The following LSM11 variants were observed in gnomAD, a reference collection of about 807,000 sequenced individuals.
The protein encoded by LSM11 is LSM11, U7 small nuclear RNA associated.
Under a neutral mutation model 28.1 loss-of-function variants are expected in LSM11, and 14 were observed. The observed-to-expected ratio is 0.50, with a 90% CI of 0.33 to 0.78. LSM11 has a LOEUF of 0.78. LSM11 is among the 30% of genes least tolerant of loss of function. The pLI is 0.02. For missense variants in LSM11, 495 were observed against 510.6 expected (o/e 0.97, Z 0.30); for synonymous variants, 207 against 214.2 (o/e 0.97, Z 0.30).
chr5:157,752,133 A>G (rs1419965957), intron 2 of LSM11, among the ~76,000 whole-genome samples: 1 of 151,902 alleles, frequency 6.6e-6, no homozygotes, highest in Non-Finnish European at 1.5e-5. Context: ...TGAAGCAGAC[A>G]TCAGTAAACA....
rs1002536589 is a variant in LSM11 at position 157,760,109 on chromosome 5, G to A, written c.*4845G>A. 3.3e-5 allele frequency: 5 copies of A among 152,152 alleles called. No individual in the cohort carries two copies. The highest frequency in any genetic ancestry group is 7.4e-5 in the Non-Finnish European group (5 of 68,020). The allele number at this position is 152,152 out of a possible 1,614,324, so 9.4% of individuals were successfully genotyped here. A position where few individuals can be genotyped will look rare whatever the true frequency, so the allele number is the denominator to read the frequency against. On this transcript the variant is annotated 3_prime_UTR_variant, in exon 4 of 4. Coordinates refer to ENST00000286307, the MANE Select transcript of LSM11 (RefSeq NM_173491.4). ...AGTGCTTCTTTAAAAACACTCCTTG[G>A]AAAGATGGGGACTGTCCCTTAGGAA...
chr5:157,754,962 T>G lies in LSM11; in HGVS notation c.781T>G (p.Leu261Val). 1.2e-6 allele frequency: 2 copies of G among 1,614,242 alleles called. No homozygotes were observed. Among genetic ancestry groups the G allele is most frequent in the Non-Finnish European group, 8.5e-7 (1 of 1,180,040 alleles). Residue 261 changes from leucine (L) to valine (V), a missense_variant, in exon 4 of 4, where the codon TTG becomes GTG. Coordinates refer to ENST00000286307, the MANE Select transcript of LSM11 (RefSeq NM_173491.4). ...SRYSQTSTWK[L>V]ASVWGRADTG... The stretch of plus-strand genomic sequence containing the variant: ...ATACTCACAGACATCCACTTGGAAG[T>G]TGGCTTCAGTGTGGGGAAGAGCAGA...
chr5:157,749,607 C>G lies in LSM11; in HGVS notation c.449-1783C>G, dbSNP rs1049656617. On this transcript the variant is annotated intron_variant, in intron 1 of 3. Transcript: ENST00000286307. ...ACGCGCGCACACACACACACACACA[C>G]CCACACACCCATACACACCCTTAGC... is the stretch of plus-strand genomic sequence containing the variant. Among the ~76,000 whole-genome samples, 479 of 149,996 alleles carry G rather than the reference C, an allele frequency of 3.2e-3. 1 individual carries two copies. The highest frequency in any genetic ancestry group is 0.012 in the African/African-American group (455 of 39,464).
rs1761342280 is a variant in LSM11 at position 157,757,262 on chromosome 5, T to C, written c.*1998T>C. 1 of 152,156 alleles carries C rather than the reference T, an allele frequency of 6.6e-6. No homozygotes were observed. The allele number at this position is 152,156 out of a possible 1,614,324, so 9.4% of individuals were successfully genotyped here. A position where few individuals can be genotyped will look rare whatever the true frequency, so the allele number is the denominator to read the frequency against. ...GCAGCAGTATCTTCTGGAACTTCCATATTCCATTCCTTCCTCCTAAGGGAC... is the reference window on the plus strand; with the variant it reads ...GCAGCAGTATCTTCTGGAACTTCCACATTCCATTCCTTCCTCCTAAGGGAC... On this transcript the variant is annotated 3_prime_UTR_variant, in exon 4 of 4. Coordinates refer to ENST00000286307, the MANE Select transcript of LSM11 (RefSeq NM_173491.4).
chr5:157,752,865 A>AG (rs1761260463), intron 2 of LSM11, among the ~76,000 whole-genome samples: 2 of 142,266 alleles, frequency 1.4e-5, no homozygotes, highest in African/African-American at 2.6e-5. Context: ...AAAAAAAAAA[A>AG]GAACCACCAG....
rs1205760835 is a variant in LSM11 at position 157,751,437 on chromosome 5, G to C, written c.496G>C (p.Gly166Arg). Residue 166 changes from glycine to arginine, a missense_variant, in exon 2 of 4, where the codon GGG (glycine) becomes CGG (arginine). Physicochemically the swap from Gly to Arg is moderately radical, Grantham distance 125. Coordinates refer to ENST00000286307, the MANE Select transcript of LSM11 (RefSeq NM_173491.4). ...LGELHRCIRE[G>R]VKVNVHIRTF... ...TGAACTCCATCGCTGTATCCGTGAG[G>C]GGGTGAAGGTGAATGTTCACATCCG... 2 of 1,612,040 alleles carry C rather than the reference G, an allele frequency of 1.2e-6. No individual in the cohort carries two copies. The highest frequency in any genetic ancestry group is 1.7e-6 in the Non-Finnish European group (2 of 1,179,300).
At chr5:157,744,302 A>G in intron 1 of LSM11, 104 bp downstream of exon 1, 1 of 878,112 alleles carries the variant, frequency 1.1e-6, no homozygotes, top group Non-Finnish European at 1.5e-6. Context: ...GTCTGCACGT[A>G]TTGCGGGAGC....
intron 2 of LSM11, among the ~76,000 whole-genome samples, chr5:157,751,790 T>C (rs1761235966): frequency 6.6e-6 from 1 of 152,192 alleles, no homozygotes; most frequent in African/African-American, 2.4e-5. Flanking sequence ...GGACATTTTA[T>C]TGTCACCACT....
rs904707218 is a variant in LSM11 at position 157,751,286 on chromosome 5, T to C, written c.449-104T>C. 2.5e-5 allele frequency: 33 copies of C among 1,298,932 alleles called. No individual in the cohort carries two copies. In the Admixed American group the frequency reaches 3.7e-4, roughly 15 times the overall value. The allele number at this position is 1,298,932 out of a possible 1,614,324, so 80.5% of individuals were successfully genotyped here. ...TGTTCCAATAGTGAGATTGTCACTC[T>C]ACCATGGGCCACATGTTGCTGGCCG... On this transcript the variant is annotated intron_variant, in intron 1 of 3. Coordinates refer to ENST00000286307, the MANE Select transcript of LSM11 (RefSeq NM_173491.4).
intron 1 of LSM11, among the ~76,000 whole-genome samples, chr5:157,750,145 G>T (rs1761208743): frequency 6.6e-6 from 1 of 152,322 alleles, no homozygotes. Context: ...CAGCTACTCA[G>T]TGGGTTGAGC....
Position 157,755,014 on chromosome 5 carries a change from C to T in LSM11, c.833C>T (p.Ser278Phe), listed in dbSNP as rs752294885. ...ACTGGCCGGGGCTCACACAAGCGTT[C>T]CCGCTCTGTCCCTTCTTCCCTGCAG... ...ADTGRGSHKR[S>F]RSVPSSLQAS... Residue 278 changes from serine (S) to phenylalanine (F), a missense_variant, in exon 4 of 4, where the codon TCC (serine) becomes TTC (phenylalanine). Transcript: ENST00000286307. 14 of 1,614,096 alleles carry T rather than the reference C, an allele frequency of 8.7e-6. No individual in the cohort carries two copies. Among genetic ancestry groups the T allele is most frequent in the Non-Finnish European group, 8.5e-7 (1 of 1,179,954 alleles).
At position 157,743,802 on chromosome 5, in the gene LSM11, C is replaced by T. The variant is rs1386067661; in HGVS notation, c.52C>T (p.Arg18Cys). 4.1e-5 allele frequency: 61 copies of T among 1,477,560 alleles called. No homozygotes were observed. Among genetic ancestry groups the T allele is most frequent in the Non-Finnish European group, 5.2e-5 (58 of 1,118,802 alleles). The allele number at this position is 1,477,560 out of a possible 1,614,324, so 91.5% of individuals were successfully genotyped here. The change falls in exon 1 of 4, where the codon CGC becomes TGC. Residue 18 changes from arginine to cysteine, a missense_variant. By Grantham distance (180) the Arg-to-Cys change is radical. Transcript: ENST00000286307. ...GTCGGCTGGCGCCGGGAGCCCCGCG[C>T]GCCCGCCCAGCCCGCGGCTGGATGT... ...ARSAGAGSPA[R>C]PPSPRLDVSS... is the part of the protein sequence containing the mutation.
intron 1 of LSM11, 51 bp from the exon 2 acceptor site, chr5:157,751,339 G>A: frequency 6.6e-7 from 1 of 1,506,200 alleles, no homozygotes; most frequent in Non-Finnish European, 8.8e-7. Context: ...CTTAATTCTG[G>A]GAATGAGGGC....
chr5:157,754,200 A>G, intron 3 of LSM11, 113 bp downstream of exon 3: 1 of 638,962 alleles, frequency 1.6e-6, no homozygotes, highest in Non-Finnish European at 2.5e-6. Context: ...TGTTGCTATA[A>G]ACCAGCTGTG....
Position 157,743,972 on chromosome 5 carries a change from C to T in LSM11, c.222C>T (p.Arg74=). The T allele has an allele frequency of 1.6e-6, 2 of 1,270,294 alleles. No individual in the cohort carries two copies. The highest frequency in any genetic ancestry group is 2.0e-6 in the Non-Finnish European group (2 of 1,008,454). 78.7% of individuals were successfully genotyped at this position (1,270,294 alleles called of 1,614,324 possible). A position where few individuals can be genotyped will look rare whatever the true frequency, so the allele number is the denominator to read the frequency against. Residue 74 remains arginine, a synonymous_variant, in exon 1 of 4, where the codon CGC becomes CGT. Transcript: ENST00000286307. Reference sequence around the variant, plus strand: ...GAGTCCGGGGCGGCGGGCGCGGGCGCGGGCGGGCTCGGGGCGCGGCCGCGG... The same window carrying T: ...GAGTCCGGGGCGGCGGGCGCGGGCGTGGGCGGGCTCGGGGCGCGGCCGCGG... ...RTGVRGGGRG[R]GRARGAAAGS... is the part of the protein sequence containing the mutation.
chr5:157,743,925 T>C lies in LSM11; in HGVS notation c.175T>C (p.Tyr59His). Residue 59 changes from tyrosine (Y) to histidine (H), a missense_variant, in exon 1 of 4, where the codon TAC (tyrosine) becomes CAC (histidine). Tyr to His is a moderately conservative substitution (Grantham distance 83). Transcript: ENST00000286307. The part of the protein sequence containing the change: ...NAPCFNNVAE[Y>H]ESFLRTGVRG... ...CCCCTGCTTCAACAACGTGGCGGAG[T>C]ACGAGAGCTTCCTCAGGACCGGAGT... 1 of 1,481,686 alleles carries C rather than the reference T, an allele frequency of 6.7e-7. No individual in the cohort carries two copies. The highest frequency in any genetic ancestry group is 1.4e-5 in the South Asian group (1 of 73,580). 91.8% of individuals were successfully genotyped at this position (1,481,686 alleles called of 1,614,324 possible). A position where few individuals can be genotyped will look rare whatever the true frequency, so the allele number is the denominator to read the frequency against.
chr5:157,749,516 G>C (rs1761193994), intron 1 of LSM11, among the ~76,000 whole-genome samples: 1 of 152,168 alleles, frequency 6.6e-6, no homozygotes, highest in South Asian at 2.1e-4. Flanking sequence ...ATAATGACCT[G>C]AAAATTGTTT....
intron 1 of LSM11, 92 bp from the exon 2 acceptor site, chr5:157,751,298 C>T: frequency 7.2e-7 from 1 of 1,394,618 alleles, no homozygotes. Flanking sequence ...CCATGGGCCA[C>T]ATGTTGCTGG....
chr5:157,746,861 G>A (rs888385924), intron 1 of LSM11, among the ~76,000 whole-genome samples: 1 of 152,148 alleles, frequency 6.6e-6, no homozygotes. Context: ...AGTGAGCCGA[G>A]ATCATAGGGA....
Sources: allele counts gnomAD v4.1 joint callset (sites outside exome capture counted in the v4.1 genomes callset), GRCh38; gene constraint gnomAD v4.1.1; transcripts MANE v1.5; gene names NCBI Gene and HGNC (gene_info 2026-07-23, HGNC 2026-07-21).